CHL1: variants seen among roughly 807,000 people sequenced by gnomAD.
CHL1 encodes the protein cell adhesion molecule L1 like.
A neutral mutation model predicts 141.9 loss-of-function variants in CHL1; 96 were observed. The observed-to-expected ratio is 0.68, with a 90% CI of 0.57 to 0.80. The LOEUF (loss-of-function observed/expected upper bound fraction) is 0.80. CHL1 is among the 30% of genes least tolerant of loss of function. The pLI is 0.00. For synonymous variants in CHL1, 613 were observed against 502.2 expected (o/e 1.22, Z -2.95); for missense variants, 1,820 against 1,457.2 (o/e 1.25, Z -4.05).
At chr3:205,641 C>CTGTGTG (rs141526826) in intron 1 of CHL1, among the ~76,000 whole-genome samples, 1 of 150,410 alleles carries the variant, frequency 6.6e-6, no homozygotes, top group African/African-American at 2.4e-5. Flanking sequence ...TTGTGTGTGT[C>CTGTGTG]TGTGTGTGTG....
At chr3:202,086 C>G (rs1200101518) in intron 1 of CHL1, among the ~76,000 whole-genome samples, 2 of 152,168 alleles carry the variant, frequency 1.3e-5, no homozygotes, top group African/African-American at 4.8e-5. Context: ...AGTCTGTCAG[C>G]TTGCAGGTGT....
rs951952190 is a variant in CHL1 at position 221,446 on chromosome 3, A to G, written c.-174-23167A>G. Among the ~76,000 whole-genome samples the G allele has an allele frequency of 4.6e-5, 7 of 152,348 alleles. No individual in the cohort carries two copies. The East Asian group carries it at 1.3e-3, about 29-fold the overall frequency. ...CAGCTCCAGATTAAAAGGTGAGCCT[A>G]TTAGAGTGTTTATGTGTAGCAGACC... On this transcript the variant is annotated intron_variant, in intron 1 of 27. Coordinates refer to ENST00000256509, the MANE Select transcript of CHL1 (RefSeq NM_006614.4).
chr3:341,935 G>C lies in CHL1; in HGVS notation c.532G>C (p.Glu178Gln), dbSNP rs1702374819. The C allele has an allele frequency of 1.2e-6, 2 of 1,609,926 alleles. No homozygotes were observed. Residue 178 changes from glutamate (E) to glutamine (Q), a missense_variant, in exon 7 of 28, where the codon GAA becomes CAA. Coordinates refer to ENST00000256509, the MANE Select transcript of CHL1 (RefSeq NM_006614.4). ...AGAATTAGAACACATCGAACAAGAT[G>C]AAAGAGTATACATGAGCCAAAAGGG... ...NIELEHIEQD[E>Q]RVYMSQKGDL... is the part of the protein sequence containing the mutation.
chr3:285,769 CCT>C (rs1348072740), intron 2 of CHL1, among the ~76,000 whole-genome samples: 2 of 151,894 alleles, frequency 1.3e-5, no homozygotes, highest in East Asian at 3.9e-4. Flanking sequence ...TGTTTGTTTC[CCT>C]CAGAAGTGAC....
intron 11 of CHL1, among the ~76,000 whole-genome samples, chr3:356,339 T>G (rs1703715273): frequency 6.6e-6 from 1 of 152,228 alleles, no homozygotes; most frequent in African/African-American, 2.4e-5. Context: ...CACAAATTAC[T>G]TAGAATCCTC....
rs1559258306 is a variant in CHL1, at chr3:326,071, A to G, written c.197+7A>G. ...AAGGAAATCCAGAACCAACGTGAGT[A>G]TTGTTTCAAACGAAGTGGTTCTTTA... is the stretch of plus-strand genomic sequence containing the variant. On this transcript the variant is annotated splice_region_variant and intron_variant, in intron 4 of 27. Coordinates refer to ENST00000256509, the MANE Select transcript of CHL1 (RefSeq NM_006614.4). 1 of 1,568,328 alleles carries G rather than the reference A, an allele frequency of 6.4e-7. No homozygotes were observed.
intron 2 of CHL1, among the ~76,000 whole-genome samples, chr3:273,839 C>A (rs1224030480): frequency 6.6e-6 from 1 of 152,156 alleles, no homozygotes; most frequent in Admixed American, 6.5e-5. Flanking sequence ...CTGCTCCAAT[C>A]TACTCTTGCC....
intron 2 of CHL1, among the ~76,000 whole-genome samples, chr3:295,006 A>G (rs948679066): frequency 6.6e-6 from 1 of 152,184 alleles, no homozygotes; most frequent in African/African-American, 2.4e-5. Flanking sequence ...ATTTGTAGAG[A>G]GATTAAACTT....
intron 2 of CHL1, among the ~76,000 whole-genome samples, chr3:306,512 A>C (rs1449593451): frequency 6.6e-6 from 1 of 152,176 alleles, no homozygotes; most frequent in Non-Finnish European, 1.5e-5. Flanking sequence ...GGTTTGCTTT[A>C]TTATATTCCA....
chr3:321,089 ACT>A (rs1700527031), intron 3 of CHL1, among the ~76,000 whole-genome samples: 1 of 151,980 alleles, frequency 6.6e-6, no homozygotes, highest in Non-Finnish European at 1.5e-5. Context: ...AAAGGAAACA[ACT>A]CTCTGACTAT....
chr3:315,996 A>T (rs1164695501), intron 2 of CHL1, among the ~76,000 whole-genome samples: 1 of 151,994 alleles, frequency 6.6e-6, no homozygotes, highest in African/African-American at 2.4e-5. Flanking sequence ...GTGGTGTCTG[A>T]TTTATGCAGG....
At chr3:288,072 C>T (rs1452502592) in intron 2 of CHL1, among the ~76,000 whole-genome samples, 1 of 152,006 alleles carries the variant, frequency 6.6e-6, no homozygotes, top group Non-Finnish European at 1.5e-5. Context: ...CCCGCCTTCA[C>T]TGGAATTCTT....
chr3:225,778 G>A (rs1701268106), intron 1 of CHL1, among the ~76,000 whole-genome samples: 1 of 152,138 alleles, frequency 6.6e-6, no homozygotes, highest in Non-Finnish European at 1.5e-5. Context: ...GGGAGGCTGA[G>A]GTGGGCAGAT....
chr3:267,958 T>A (rs940886390), intron 2 of CHL1, among the ~76,000 whole-genome samples: 2 of 152,204 alleles, frequency 1.3e-5, no homozygotes, highest in Non-Finnish European at 1.5e-5. Flanking sequence ...GTGTTGATGA[T>A]CAATTCTAAA....
intron 15 of CHL1, among the ~76,000 whole-genome samples, chr3:369,740 T>A (rs1389108557): frequency 1.3e-5 from 2 of 152,236 alleles, no homozygotes; most frequent in East Asian, 3.8e-4. Context: ...GGGTTTATCA[T>A]AAATAGCTCT....
rs1156294498 is a variant in CHL1, at chr3:308,472, GAGA to G, written c.-94-11208_-94-11206del. Among the ~76,000 whole-genome samples the G allele has an allele frequency of 2.6e-5, 4 of 151,912 alleles. No homozygotes were observed. In the East Asian group the frequency reaches 7.7e-4, roughly 29 times the overall value. On this transcript the variant is annotated intron_variant, in intron 2 of 27. Transcript: ENST00000256509. The stretch of plus-strand genomic sequence containing the variant: ...ACAATTTGATTAACACAAAAAACTG[GAGA>G]AGTAGATTAAAACCATCCAAAACAT...
intron 1 of CHL1, among the ~76,000 whole-genome samples, chr3:206,402 G>A (rs1699448750): frequency 6.6e-6 from 1 of 151,986 alleles, no homozygotes; most frequent in Non-Finnish European, 1.5e-5. Flanking sequence ...GGAGGCGGAG[G>A]TTGCAGTGAG....
intron 1 of CHL1, among the ~76,000 whole-genome samples, chr3:233,153 T>C (rs1021447535): frequency 6.6e-6 from 1 of 152,200 alleles, no homozygotes; most frequent in Non-Finnish European, 1.5e-5. Flanking sequence ...AAATCCACGA[T>C]GGTCTTTTAC....
chr3:239,205 C>G (rs1692301557), intron 1 of CHL1, among the ~76,000 whole-genome samples: 1 of 152,148 alleles, frequency 6.6e-6, no homozygotes, highest in Admixed American at 6.5e-5. Context: ...CTGCCCCTTG[C>G]TTATCACAGA....
Sources: gnomAD v4.1 joint callset for allele counts (sites outside exome capture counted in the v4.1 genomes callset) on GRCh38, gnomAD v4.1.1 for gene constraint, MANE v1.5 for transcripts, NCBI Gene and HGNC (gene_info 2026-07-23, HGNC 2026-07-21) for gene names.